The following TTC39B variants were observed in gnomAD, a reference collection of about 807,000 sequenced individuals.
TTC39B encodes tetratricopeptide repeat protein 39B.
Under a neutral mutation model 96.6 loss-of-function variants are expected in TTC39B, and 92 were observed. The ratio of observed to expected loss-of-function variants is 0.95; its 90% confidence interval spans 0.80 to 1.13. The LOEUF is 1.13. Among genes scored for constraint, TTC39B ranks in the 50% most tolerant of loss-of-function variants. The probability of loss-of-function intolerance (pLI) is 0.00; values close to 1 mark genes in which losing one functional copy is unlikely to be tolerated. For synonymous variants in TTC39B, 367 were observed against 299.4 expected, an observed-to-expected ratio of 1.23 and a Z score of -2.33; for missense variants, 955 against 809.3, an observed-to-expected ratio of 1.18 and a Z score of -2.18.
rs16932782 is a variant in TTC39B, at chr9:15,189,529, G to A, written c.1233+45C>T. On this transcript the variant is annotated intron_variant, in intron 13 of 19. Transcript: ENST00000512701. ...GGTCACAGCGACTCATGTAGGAGTC[G>A]CCATACAGACAACTCCCCCAAATAA... The A allele has an allele frequency of 3.3e-3, 5,350 of 1,602,584 alleles. 152 individuals carry two copies. The African/African-American group carries it at 0.062, about 19-fold the overall frequency.
chr9:15,197,233 G>C (rs1034965758), intron 8 of TTC39B, among the ~76,000 whole-genome samples: 7 of 152,162 alleles, frequency 4.6e-5, no homozygotes, highest in African/African-American at 1.7e-4. Context: ...GTATGTCTTT[G>C]CCTCTACAGT....
intron 2 of TTC39B, among the ~76,000 whole-genome samples, chr9:15,243,621 G>A (rs1330839565): frequency 6.6e-6 from 1 of 152,164 alleles, no homozygotes; most frequent in Non-Finnish European, 1.5e-5. Flanking sequence ...TAAGAAAATG[G>A]AAAGCAGGCT....
intron 1 of TTC39B, among the ~76,000 whole-genome samples, chr9:15,283,108 A>G (rs765918878): frequency 1.3e-5 from 2 of 152,172 alleles, no homozygotes; most frequent in Non-Finnish European, 2.9e-5. Context: ...ACCAAGCGCC[A>G]CGCCTACCCA....
At chr9:15,271,003 G>T (rs1313570531) in intron 1 of TTC39B, among the ~76,000 whole-genome samples, 1 of 152,118 alleles carries the variant, frequency 6.6e-6, no homozygotes, top group Admixed American at 6.6e-5. Flanking sequence ...AGCAAGTTAA[G>T]CCAGTTGTAG....
chr9:15,276,385 G>C (rs1393919876), intron 1 of TTC39B, among the ~76,000 whole-genome samples: 2 of 152,140 alleles, frequency 1.3e-5, no homozygotes, highest in African/African-American at 4.8e-5. Context: ...GTAAATTAGA[G>C]ATGCCCATAG....
At chr9:15,260,541 T>A (rs1822906539) in intron 2 of TTC39B, among the ~76,000 whole-genome samples, 1 of 152,134 alleles carries the variant, frequency 6.6e-6, no homozygotes, top group South Asian at 2.1e-4. Flanking sequence ...TCAGATGTTT[T>A]CCAACTATCA....
intron 1 of TTC39B, among the ~76,000 whole-genome samples, chr9:15,303,940 T>A (rs1434376670): frequency 6.6e-6 from 1 of 152,154 alleles, no homozygotes; most frequent in Non-Finnish European, 1.5e-5. Flanking sequence ...TGGCCTCATA[T>A]GAGAAAATTT....
intron 8 of TTC39B, among the ~76,000 whole-genome samples, chr9:15,197,054 A>T (rs1819211878): frequency 6.6e-6 from 1 of 152,240 alleles, no homozygotes; most frequent in African/African-American, 2.4e-5. Flanking sequence ...CAATTAAGGT[A>T]TGTATATTTT....
intron 2 of TTC39B, among the ~76,000 whole-genome samples, chr9:15,253,175 T>C (rs1303902974): frequency 6.6e-6 from 1 of 152,174 alleles, no homozygotes; most frequent in African/African-American, 2.4e-5. Flanking sequence ...AATGGTACCT[T>C]ATATGACAAA....
chr9:15,296,836 G>A (rs1331653190), intron 1 of TTC39B, among the ~76,000 whole-genome samples: 1 of 152,062 alleles, frequency 6.6e-6, no homozygotes, highest in Non-Finnish European at 1.5e-5. Flanking sequence ...AGGCATGGTG[G>A]CTTATGCCTG....
intron 2 of TTC39B, 76 bp from the exon 3 acceptor site, chr9:15,226,088 CAACAT>C: frequency 2.5e-6 from 3 of 1,191,246 alleles, no homozygotes. Context: ...TGCAATTACA[CAACAT>C]AAGTCTTCCA....
intron 8 of TTC39B, among the ~76,000 whole-genome samples, chr9:15,197,459 T>G (rs1202887076): frequency 6.6e-6 from 1 of 152,220 alleles, no homozygotes; most frequent in African/African-American, 2.4e-5. Context: ...AAATACTAAA[T>G]TTTGGTTCTG....
chr9:15,225,338 T>C (rs930836391), intron 3 of TTC39B, among the ~76,000 whole-genome samples: 2 of 152,162 alleles, frequency 1.3e-5, no homozygotes, highest in African/African-American at 4.8e-5. Flanking sequence ...TAATACATAT[T>C]TCATTCTCTT....
intron 10 of TTC39B, 24 bp from the exon 11 acceptor site, chr9:15,190,686 A>T (rs775511752): frequency 6.3e-7 from 1 of 1,579,478 alleles, no homozygotes; most frequent in Non-Finnish European, 8.7e-7. Context: ...ATGCATTTTT[A>T]GAAAGAGAAC....
chr9:15,200,985 G>C (rs910260696), intron 7 of TTC39B, among the ~76,000 whole-genome samples: 1 of 152,116 alleles, frequency 6.6e-6, no homozygotes, highest in Admixed American at 6.5e-5. Context: ...GTGACAGAGC[G>C]AGACTCCATC....
chr9:15,166,593 T>C (rs889304770), exon 20 of TTC39B: 2 of 152,200 alleles, frequency 1.3e-5, no homozygotes, highest in African/African-American at 4.8e-5. Context: ...TAAATTCTGA[T>C]GTGTCCTTTT....
intron 16 of TTC39B, chr9:15,183,263 C>A (rs527343325): frequency 1.1e-5 from 4 of 366,144 alleles, no homozygotes; most frequent in South Asian, 8.1e-5. Flanking sequence ...AAACTAAGAT[C>A]ATGACACTCT....
In TTC39B at chr9:15,175,010, A is replaced by C. The variant is rs1443041681; in HGVS notation, c.1958+9T>G. The C allele has an allele frequency of 1.9e-6, 3 of 1,598,868 alleles. No homozygotes were observed. Among genetic ancestry groups the C allele is most frequent in the Non-Finnish European group, 2.6e-6 (3 of 1,166,312 alleles). ...TAACAATCAAGGAAAAGCTGCCTTC[A>C]ACACTTACCTTGCAGTTTCTAGGAA... On this transcript the variant is annotated intron_variant, in intron 19 of 19. Transcript: ENST00000512701.
At chr9:15,175,028 T>G (rs1202054134) in exon 19 of TTC39B, 4 of 1,613,192 alleles carry the variant, frequency 2.5e-6, no homozygotes, top group Non-Finnish European at 3.4e-6. Flanking sequence ...CCTTGCAGTT[T>G]CTAGGAACTT....
Sources: allele counts gnomAD v4.1 joint callset (sites outside exome capture counted in the v4.1 genomes callset), GRCh38; gene constraint gnomAD v4.1.1; transcripts MANE v1.5; gene names NCBI Gene and HGNC (gene_info 2026-07-23, HGNC 2026-07-21).